The following PKN2 variants were observed in gnomAD, a reference collection of about 807,000 sequenced individuals.
The protein encoded by PKN2 is protein kinase N2, also known as serine/threonine-protein kinase N2.
In PKN2, 38 loss-of-function variants were observed where a neutral mutation model predicts 119.1. That is an observed-to-expected ratio of 0.32 (90% CI 0.25 to 0.42). The LOEUF (loss-of-function observed/expected upper bound fraction) is 0.42, where lower values mean the gene tolerates loss of function less well. Among genes scored for constraint, PKN2 ranks in the 10% least tolerant of loss-of-function variants. PKN2 has a pLI of 1.00. For synonymous variants in PKN2, 390 were observed against 384.9 expected, an observed-to-expected ratio of 1.01 and a Z score of -0.15; for missense variants, 850 against 1,165.1, an observed-to-expected ratio of 0.73 and a Z score of 3.94.
intron 1 of PKN2, among the ~76,000 whole-genome samples, chr1:88,720,776 C>T (rs938724123): frequency 1.3e-5 from 2 of 152,114 alleles, no homozygotes; most frequent in South Asian, 2.1e-4. Context: ...TCCCTCACCC[C>T]ACTCCCACCT....
intron 2 of PKN2, among the ~76,000 whole-genome samples, chr1:88,751,394 AC>A (rs1668990183): frequency 2.6e-5 from 4 of 152,018 alleles, no homozygotes; most frequent in Admixed American, 1.3e-4. Flanking sequence ...ACACACACAC[AC>A]ACACACACCT....
chr1:88,823,635 T>C (rs1245427706), intron 17 of PKN2, among the ~76,000 whole-genome samples: 1 of 135,984 alleles, frequency 7.4e-6, no homozygotes, highest in Non-Finnish European at 1.5e-5. Flanking sequence ...ACCTGGAAAG[T>C]GGATGTTGCA....
At chr1:88,699,796 T>G (rs954256822) in intron 1 of PKN2, among the ~76,000 whole-genome samples, 2 of 152,114 alleles carry the variant, frequency 1.3e-5, no homozygotes, top group Non-Finnish European at 2.9e-5. Context: ...TTATTTTTTA[T>G]TTTTGAGATG....
chr1:88,729,519 C>T (rs1668043874), intron 1 of PKN2, among the ~76,000 whole-genome samples: 1 of 152,164 alleles, frequency 6.6e-6, no homozygotes, highest in Non-Finnish European at 1.5e-5. Flanking sequence ...CTTTTGTTCT[C>T]ATACACATGG....
rs1356905040 is a variant in PKN2, at chr1:88,805,955, GCTT to G, written c.1747_1749del (p.Ser583del). ...TGAACCTCCTCCAGCCCCACCACGA[GCTT>G]CTTCTCTTGGAGAAATAGATGAATC... On this transcript the variant is annotated inframe_deletion, in exon 12 of 22. Transcript: ENST00000370521. 1.9e-6 allele frequency: 3 copies of G among 1,613,580 alleles called. No homozygotes were observed. Among genetic ancestry groups the G allele is most frequent in the African/African-American group, 2.7e-5 (2 of 75,002 alleles).
chr1:88,768,614 C>T (rs1410526121), intron 3 of PKN2, among the ~76,000 whole-genome samples: 1 of 152,192 alleles, frequency 6.6e-6, no homozygotes, highest in African/African-American at 2.4e-5. Flanking sequence ...TTAAATCTCC[C>T]TTGCCATGTA....
intron 2 of PKN2, among the ~76,000 whole-genome samples, chr1:88,751,825 T>G (rs1268042803): frequency 6.6e-6 from 1 of 152,176 alleles, no homozygotes; most frequent in Non-Finnish European, 1.5e-5. Flanking sequence ...GATTTCCCCT[T>G]TATATACAAT....
chr1:88,813,864 C>T lies in PKN2; in HGVS notation c.2279+131C>T, dbSNP rs1031405404. The T allele has an allele frequency of 7.7e-6, 5 of 651,964 alleles. No individual in the cohort carries two copies. In the Admixed American group the frequency reaches 1.6e-4, roughly 21 times the overall value. 40.4% of individuals were successfully genotyped at this position (651,964 alleles called of 1,614,324 possible). ...GATCTCTGCAAGAAATACTAGAACT[C>T]CTTACTTACTTTTTTGCCATATACT... On this transcript the variant is annotated intron_variant, in intron 16 of 21. Coordinates refer to ENST00000370521, the MANE Select transcript of PKN2 (RefSeq NM_006256.4).
chr1:88,800,953 G>C (rs903356387), intron 8 of PKN2, among the ~76,000 whole-genome samples: 1 of 152,072 alleles, frequency 6.6e-6, no homozygotes, highest in Non-Finnish European at 1.5e-5. Flanking sequence ...GCTTTTTTTG[G>C]TGGTAGTTTT....
At chr1:88,748,484 CAAAG>C (rs779011523) in intron 2 of PKN2, among the ~76,000 whole-genome samples, 88 of 152,230 alleles carry the variant, frequency 5.8e-4, no homozygotes, top group South Asian at 1.5e-3. Flanking sequence ...TATCCATTCA[CAAAG>C]AACGTTAGGG....
intron 1 of PKN2, among the ~76,000 whole-genome samples, chr1:88,700,645 C>T (rs1241308699): frequency 6.6e-6 from 1 of 152,160 alleles, no homozygotes; most frequent in East Asian, 1.9e-4. Flanking sequence ...CTTTGTTGAA[C>T]CTAAGCGTAA....
intron 6 of PKN2, among the ~76,000 whole-genome samples, chr1:88,779,126 G>C (rs1670224252): frequency 6.6e-6 from 1 of 152,158 alleles, no homozygotes; most frequent in South Asian, 2.1e-4. Context: ...TTGAGAAAAA[G>C]ATCTTCTCTG....
intron 8 of PKN2, among the ~76,000 whole-genome samples, chr1:88,797,859 TGG>T (rs940602287): frequency 1.3e-5 from 2 of 152,060 alleles, no homozygotes; most frequent in African/African-American, 4.8e-5. Flanking sequence ...CCAGGCACAG[TGG>T]TTCATGCCTG....
Position 88,835,814 on chromosome 1 carries a change from T to C in PKN2, c.*2366T>C, listed in dbSNP as rs1170633756. 6.6e-6 allele frequency: 1 copy of C among 152,560 alleles called. No individual in the cohort carries two copies. The highest frequency in any genetic ancestry group is 1.5e-5 in the Non-Finnish European group (1 of 67,980). The allele number at this position is 152,560 out of a possible 1,614,324, so 9.5% of individuals were successfully genotyped here. A position where few individuals can be genotyped will look rare whatever the true frequency, so the allele number is the denominator to read the frequency against. ...TAGATTGAAATTTGTAACTTTGGTT[T>C]TAAGTATTCTTTCCTTTTAGAAACT... On this transcript the variant is annotated 3_prime_UTR_variant, in exon 22 of 22. Transcript: ENST00000370521.
At chr1:88,725,224 G>T (rs1667850648) in intron 1 of PKN2, among the ~76,000 whole-genome samples, 1 of 151,372 alleles carries the variant, frequency 6.6e-6, no homozygotes, top group East Asian at 1.9e-4. Context: ...CTTTCTTTAG[G>T]GTAAATATCC....
intron 1 of PKN2, 137 bp downstream of exon 1, chr1:88,684,765 C>G (rs565006895): frequency 4.3e-6 from 3 of 695,186 alleles, no homozygotes; most frequent in African/African-American, 3.8e-5. Flanking sequence ...GGATGTCACT[C>G]GGGAAATGCT....
intron 16 of PKN2, among the ~76,000 whole-genome samples, chr1:88,814,105 CTG>C (rs1453182957): frequency 6.6e-6 from 1 of 151,914 alleles, no homozygotes; most frequent in African/African-American, 2.4e-5. Flanking sequence ...ACAGAAGAGT[CTG>C]TATCATATAT....
At chr1:88,730,180 C>A (rs951525373) in intron 1 of PKN2, among the ~76,000 whole-genome samples, 1 of 151,780 alleles carries the variant, frequency 6.6e-6, no homozygotes, top group Non-Finnish European at 1.5e-5. Flanking sequence ...AAAAAAAACA[C>A]CAGTCTTTAT....
At chr1:88,811,704 A>T (rs2100891278) in intron 15 of PKN2, among the ~76,000 whole-genome samples, 1 of 152,252 alleles carries the variant, frequency 6.6e-6, no homozygotes, top group South Asian at 2.1e-4. Flanking sequence ...ACAACACTCA[A>T]ACTATTAGCA....
Sources: allele counts gnomAD v4.1 joint callset (sites outside exome capture counted in the v4.1 genomes callset), GRCh38; gene constraint gnomAD v4.1.1; transcripts MANE v1.5; gene names NCBI Gene and HGNC (gene_info 2026-07-23, HGNC 2026-07-21).